The following FHIT variants were observed in gnomAD, a reference collection of about 807,000 sequenced individuals.
FHIT encodes the protein bis(5'-adenosyl)-triphosphatase.
Under a neutral mutation model 17.9 loss-of-function variants are expected in FHIT, and 19 were observed. The ratio of observed to expected loss-of-function variants is 1.06; its 90% confidence interval spans 0.74 to 1.56. FHIT has a LOEUF of 1.56. FHIT is among the 40% of genes most tolerant of loss of function. The pLI is 0.00. For synonymous variants in FHIT, 81 were observed against 69.7 expected, an observed-to-expected ratio of 1.16 and a Z score of -0.81; for missense variants, 248 against 189.2, an observed-to-expected ratio of 1.31 and a Z score of -1.82.
chr3:60,388,661 A>G (rs1395869295), intron 5 of FHIT, among the ~76,000 whole-genome samples: 1 of 152,122 alleles, frequency 6.6e-6, no homozygotes, highest in African/African-American at 2.4e-5. Context: ...GACAGAAAAT[A>G]TTTTCAAATC....
chr3:59,976,816 T>C (rs71313735), intron 7 of FHIT, among the ~76,000 whole-genome samples: 1 of 152,132 alleles, frequency 6.6e-6, no homozygotes, highest in Non-Finnish European at 1.5e-5. Flanking sequence ...TCCTTCATCG[T>C]GCTCATAAAC....
At chr3:59,892,514 G>A (rs115545682) in intron 8 of FHIT, among the ~76,000 whole-genome samples, 7 of 152,124 alleles carry the variant, frequency 4.6e-5, no homozygotes, top group Non-Finnish European at 1.0e-4. Context: ...TCACTTTCCT[G>A]AGGCTTAGTG....
chr3:60,683,440 A>G (rs529548093), intron 4 of FHIT, among the ~76,000 whole-genome samples: 1 of 152,196 alleles, frequency 6.6e-6, no homozygotes, highest in African/African-American at 2.4e-5. Context: ...TCAAGGCAAG[A>G]CCCTCCACCA....
chr3:60,284,681 T>G (rs1028932111), intron 5 of FHIT, among the ~76,000 whole-genome samples: 1 of 152,178 alleles, frequency 6.6e-6, no homozygotes, highest in Non-Finnish European at 1.5e-5. Context: ...TGTATCATAA[T>G]GTTTCTAAGA....
intron 8 of FHIT, among the ~76,000 whole-genome samples, chr3:59,892,670 G>T (rs577598770): frequency 2.4e-4 from 37 of 152,286 alleles, no homozygotes; most frequent in Non-Finnish European, 5.0e-4. Flanking sequence ...AATGGTGGGG[G>T]ATATGTTTAA....
intron 5 of FHIT, among the ~76,000 whole-genome samples, chr3:60,361,682 C>T (rs1363181091): frequency 6.6e-6 from 1 of 152,186 alleles, no homozygotes; most frequent in East Asian, 1.9e-4. Flanking sequence ...ATTTCAGACA[C>T]AGAACCCCAC....
chr3:60,313,861 A>G (rs1392392908), intron 5 of FHIT, among the ~76,000 whole-genome samples: 1 of 152,220 alleles, frequency 6.6e-6, no homozygotes, highest in Admixed American at 6.5e-5. Context: ...TCTTCAAATG[A>G]GATGTACAAT....
chr3:60,078,836 G>A lies in FHIT; in HGVS notation c.104-64684C>T, dbSNP rs943822318. 3.3e-5 allele frequency among the ~76,000 whole-genome samples: 5 copies of A among 151,656 alleles called. No individual in the cohort carries two copies. In the East Asian group the frequency reaches 9.6e-4, roughly 29 times the overall value. On this transcript the variant is annotated intron_variant, in intron 5 of 9. Coordinates refer to ENST00000492590, the MANE Select transcript of FHIT (RefSeq NM_002012.4). ...GAGAGAGAAAATATAATGGAAGTAA[G>A]TAAAGTATTAATATCTGGGGATCTG...
chr3:60,920,367 G>C (rs782359427), intron 3 of FHIT, among the ~76,000 whole-genome samples: 1 of 152,056 alleles, frequency 6.6e-6, no homozygotes, highest in Non-Finnish European at 1.5e-5. Context: ...CATATGAGTT[G>C]TCCAAAACAT....
intron 5 of FHIT, among the ~76,000 whole-genome samples, chr3:60,215,224 G>T (rs1703644460): frequency 6.6e-6 from 1 of 152,128 alleles, no homozygotes; most frequent in African/African-American, 2.4e-5. Context: ...GGGCCTGGTG[G>T]CTCACAGCTG....
chr3:60,981,218 A>G (rs1486566369), intron 3 of FHIT, among the ~76,000 whole-genome samples: 1 of 152,028 alleles, frequency 6.6e-6, no homozygotes, highest in African/African-American at 2.4e-5. Flanking sequence ...CCTGGGTTGA[A>G]TAAAAGTGAA....
chr3:59,903,330 G>T (rs931714355), intron 8 of FHIT, among the ~76,000 whole-genome samples: 38 of 152,246 alleles, frequency 2.5e-4, no homozygotes, highest in African/African-American at 8.9e-4. Context: ...TCTTTTGGGG[G>T]TGATGAAATT....
chr3:59,815,311 A>G (rs1005044593), intron 8 of FHIT, among the ~76,000 whole-genome samples: 11 of 152,226 alleles, frequency 7.2e-5, no homozygotes. Flanking sequence ...CACTATGGAA[A>G]ACAGTGTGGA....
chr3:59,865,647 T>C (rs1309335114), intron 8 of FHIT, among the ~76,000 whole-genome samples: 1 of 125,974 alleles, frequency 7.9e-6, no homozygotes, highest in Non-Finnish European at 1.6e-5. Flanking sequence ...AACAGAATGC[T>C]TTTACCCTTT....
At chr3:60,038,380 T>C (rs934018035) in intron 5 of FHIT, among the ~76,000 whole-genome samples, 4 of 152,230 alleles carry the variant, frequency 2.6e-5, no homozygotes, top group African/African-American at 9.6e-5. Flanking sequence ...TAATGTTATA[T>C]ATTTTATCTA....
chr3:61,155,063 T>C (rs1388495017), intron 2 of FHIT, among the ~76,000 whole-genome samples: 1 of 152,232 alleles, frequency 6.6e-6, no homozygotes, highest in African/African-American at 2.4e-5. Flanking sequence ...TCATTGAATA[T>C]TCTTCCAAGC....
chr3:59,909,682 A>G (rs1387184896), intron 8 of FHIT, among the ~76,000 whole-genome samples: 2 of 152,222 alleles, frequency 1.3e-5, no homozygotes, highest in Admixed American at 6.5e-5. Flanking sequence ...GCTAGCTCAC[A>G]CACACATGTA....
chr3:60,438,671 T>A (rs1193396179), intron 5 of FHIT, among the ~76,000 whole-genome samples: 1 of 152,142 alleles, frequency 6.6e-6, no homozygotes, highest in Non-Finnish European at 1.5e-5. Flanking sequence ...CAGTTCAAAT[T>A]TAAAGAGAAC....
At chr3:60,241,083 CAACAGTTTTTAGGA>C (rs1705106582) in intron 5 of FHIT, among the ~76,000 whole-genome samples, 1 of 152,200 alleles carries the variant, frequency 6.6e-6, no homozygotes, top group South Asian at 2.1e-4. Flanking sequence ...GATGCACTTG[CAACAGTTTTTAGGA>C]AACGGGGGTG....
Sources: allele counts gnomAD v4.1 joint callset (sites outside exome capture counted in the v4.1 genomes callset), GRCh38; gene constraint gnomAD v4.1.1; transcripts MANE v1.5; gene names NCBI Gene and HGNC (gene_info 2026-07-23, HGNC 2026-07-21).